ASTN2: variants seen among roughly 807,000 people sequenced by gnomAD.
ASTN2 encodes the protein astrotactin 2, also known as astrotactin-2.
In ASTN2, 54 loss-of-function variants were observed where a neutral mutation model predicts 139.8. That is an observed-to-expected ratio of 0.39 (90% CI 0.31 to 0.48). The LOEUF (loss-of-function observed/expected upper bound fraction) is 0.48, where lower values mean the gene tolerates loss of function less well. Among genes scored for constraint, ASTN2 ranks in the 20% least tolerant of loss-of-function variants. The probability of loss-of-function intolerance (pLI) is 0.95; values close to 1 mark genes in which losing one functional copy is unlikely to be tolerated. For missense variants in ASTN2, 1,565 were observed against 1,725.1 expected (o/e 0.91, Z 1.64); for synonymous variants, 756 against 719.5 (o/e 1.05, Z -0.81).
At chr9:116,918,282 C>T (rs938680096) in intron 10 of ASTN2, among the ~76,000 whole-genome samples, 2 of 152,132 alleles carry the variant, frequency 1.3e-5, no homozygotes, top group Non-Finnish European at 2.9e-5. Flanking sequence ...AGAGGCTGCT[C>T]ATTGAGCAGG....
intron 3 of ASTN2, among the ~76,000 whole-genome samples, chr9:117,203,397 A>G (rs1050004664): frequency 6.6e-6 from 1 of 151,980 alleles, no homozygotes; most frequent in African/African-American, 2.4e-5. Flanking sequence ...TGTGGTGATC[A>G]TGTTGAGGAG....
At chr9:116,496,763 T>C (rs1307129219) in intron 19 of ASTN2, among the ~76,000 whole-genome samples, 1 of 152,102 alleles carries the variant, frequency 6.6e-6, no homozygotes, top group East Asian at 1.9e-4. Context: ...AACATCATGG[T>C]GGAAAGCAAA....
At chr9:116,916,300 T>C (rs1834444843) in intron 10 of ASTN2, among the ~76,000 whole-genome samples, 1 of 152,152 alleles carries the variant, frequency 6.6e-6, no homozygotes, top group Non-Finnish European at 1.5e-5. Flanking sequence ...GTAGGAAGGC[T>C]GGGAGAGAGA....
intron 16 of ASTN2, among the ~76,000 whole-genome samples, chr9:116,720,297 T>A (rs1255885057): frequency 1.3e-5 from 2 of 152,196 alleles, no homozygotes; most frequent in African/African-American, 4.8e-5. Flanking sequence ...AGACACCTTT[T>A]AAAAGTGGCG....
intron 19 of ASTN2, among the ~76,000 whole-genome samples, chr9:116,561,395 A>G (rs773265377): frequency 6.6e-5 from 10 of 152,214 alleles, no homozygotes; most frequent in Non-Finnish European, 1.0e-4. Flanking sequence ...ATATTGAGGT[A>G]AAATCAGTTA....
chr9:116,615,370 A>G (rs1202571559), intron 19 of ASTN2, among the ~76,000 whole-genome samples: 2 of 152,168 alleles, frequency 1.3e-5, no homozygotes, highest in South Asian at 2.1e-4. Flanking sequence ...CCATCCCATT[A>G]CTGGGTATAT....
chr9:116,694,502 C>T (rs1219232118), intron 16 of ASTN2, among the ~76,000 whole-genome samples: 1 of 122,606 alleles, frequency 8.2e-6, no homozygotes, highest in East Asian at 2.7e-4. Context: ...CGCTCTGTCA[C>T]CCAGTCTGGA....
chr9:117,236,042 A>C (rs984443288), intron 2 of ASTN2, among the ~76,000 whole-genome samples: 1 of 152,184 alleles, frequency 6.6e-6, no homozygotes, highest in African/African-American at 2.4e-5. Context: ...TGGCTCTCTC[A>C]ACCCTGGGAA....
chr9:117,392,145 C>A (rs566612450), intron 1 of ASTN2, among the ~76,000 whole-genome samples: 16 of 152,124 alleles, frequency 1.1e-4, no homozygotes, highest in African/African-American at 3.9e-4. Context: ...GAAGGCCTGA[C>A]GGGGGATTAA....
At chr9:116,824,360 G>C (rs934322981) in intron 11 of ASTN2, among the ~76,000 whole-genome samples, 2 of 136,374 alleles carry the variant, frequency 1.5e-5, no homozygotes, top group African/African-American at 5.5e-5. Context: ...GATCATAAGA[G>C]AGATCTTTCT....
chr9:117,278,133 G>C (rs890503784), intron 2 of ASTN2, among the ~76,000 whole-genome samples: 1 of 152,190 alleles, frequency 6.6e-6, no homozygotes, highest in African/African-American at 2.4e-5. Context: ...ACAAACAAAA[G>C]CAGGACAAGG....
chr9:116,870,518 C>T (rs188166117), intron 10 of ASTN2, among the ~76,000 whole-genome samples: 1 of 152,314 alleles, frequency 6.6e-6, no homozygotes, highest in African/African-American at 2.4e-5. Flanking sequence ...GCAGCTGTTT[C>T]TGTTCCTATA....
At chr9:116,933,876 T>C (rs1011452442) in intron 10 of ASTN2, among the ~76,000 whole-genome samples, 3 of 150,466 alleles carry the variant, frequency 2.0e-5, no homozygotes, top group African/African-American at 7.3e-5. Context: ...CAGGCAGAGA[T>C]AACAATAAAA....
At chr9:117,370,867 T>A (rs1415088768) in intron 1 of ASTN2, among the ~76,000 whole-genome samples, 1 of 151,940 alleles carries the variant, frequency 6.6e-6, no homozygotes, top group African/African-American at 2.4e-5. Context: ...GAGCCACAAC[T>A]CCTGGCCTAA....
intron 4 of ASTN2, among the ~76,000 whole-genome samples, chr9:117,098,349 A>G (rs1190832949): frequency 2.6e-5 from 4 of 152,230 alleles, no homozygotes; most frequent in Non-Finnish European, 5.9e-5. Context: ...CTTCGAAACC[A>G]GGTGGAACTA....
chr9:117,271,814 T>G (rs1834072062), intron 2 of ASTN2, among the ~76,000 whole-genome samples: 1 of 152,186 alleles, frequency 6.6e-6, no homozygotes, highest in Admixed American at 6.5e-5. Context: ...AGAGGTAGGT[T>G]CCCAACGTCT....
intron 11 of ASTN2, among the ~76,000 whole-genome samples, chr9:116,847,551 TTAATAA>T (rs1241372978): frequency 6.6e-6 from 1 of 152,204 alleles, no homozygotes; most frequent in African/African-American, 2.4e-5. Flanking sequence ...GTGTAGCTCA[TTAATAA>T]TAATAATAGC....
chr9:117,051,794 C>G (rs188288283), intron 5 of ASTN2, among the ~76,000 whole-genome samples: 3 of 152,122 alleles, frequency 2.0e-5, no homozygotes, highest in South Asian at 4.2e-4. Flanking sequence ...AGGACAGCCA[C>G]GTTCACAGTC....
intron 10 of ASTN2, among the ~76,000 whole-genome samples, chr9:116,886,358 T>C (rs967752364): frequency 6.6e-6 from 1 of 152,206 alleles, no homozygotes; most frequent in Non-Finnish European, 1.5e-5. Context: ...CCTCCTGCAA[T>C]TGTTTCTTTT....
Sources: allele counts gnomAD v4.1 joint callset (sites outside exome capture counted in the v4.1 genomes callset), GRCh38; gene constraint gnomAD v4.1.1; transcripts MANE v1.5; gene names NCBI Gene and HGNC (gene_info 2026-07-23, HGNC 2026-07-21).